The following PCGF5 variants were observed in gnomAD, a reference collection of about 807,000 sequenced individuals.
The protein encoded by PCGF5 is polycomb group RING finger protein 5.
Under a neutral mutation model 44.3 loss-of-function variants are expected in PCGF5, and 9 were observed. That is an observed-to-expected ratio of 0.20 (90% confidence interval 0.12 to 0.35). The LOEUF (loss-of-function observed/expected upper bound fraction) is 0.35, where lower values mean the gene tolerates loss of function less well. Among genes scored for constraint, PCGF5 ranks in the 10% least tolerant of loss-of-function variants. The pLI is 1.00. For synonymous variants in PCGF5, 95 were observed against 102.5 expected, an observed-to-expected ratio of 0.93 and a Z score of 0.44; for missense variants, 146 against 305.3, an observed-to-expected ratio of 0.48 and a Z score of 3.89.
Position 91,281,320 on chromosome 10 carries a change from C to T in PCGF5, c.*3004C>T, listed in dbSNP as rs541991056. 7 of 152,546 alleles carry T rather than the reference C, an allele frequency of 4.6e-5. No homozygotes were observed. The highest frequency in any genetic ancestry group is 1.9e-4 in the East Asian group (1 of 5,190). 9.4% of individuals were successfully genotyped at this position (152,546 alleles called of 1,614,324 possible). A position where few individuals can be genotyped will look rare whatever the true frequency, so the allele number is the denominator to read the frequency against. ...ATAGTAATGTGCCACATTTTATAAA[C>T]GTAATGACTTTGCTCAACTACATTA... On this transcript the variant is annotated 3_prime_UTR_variant, in exon 10 of 10. Transcript: ENST00000336126.
At chr10:91,266,762 G>T (rs1846055990) in intron 8 of PCGF5, among the ~76,000 whole-genome samples, 1 of 152,132 alleles carries the variant, frequency 6.6e-6, no homozygotes. Flanking sequence ...TGTCAGCACT[G>T]ATTGCTGCCT....
chr10:91,202,892 T>G (rs1185304864), intron 1 of PCGF5, among the ~76,000 whole-genome samples: 1 of 152,178 alleles, frequency 6.6e-6, no homozygotes, highest in African/African-American at 2.4e-5. Context: ...TGATTAATGT[T>G]CAGATGAGGG....
At chr10:91,176,881 C>T (rs911499750) in intron 1 of PCGF5, among the ~76,000 whole-genome samples, 1 of 149,790 alleles carries the variant, frequency 6.7e-6, no homozygotes, top group Non-Finnish European at 1.5e-5. Context: ...GAAGTTTGAT[C>T]GTCTGAAGCC....
At chr10:91,199,522 A>T (rs1771069910) in intron 1 of PCGF5, among the ~76,000 whole-genome samples, 1 of 152,218 alleles carries the variant, frequency 6.6e-6, no homozygotes, top group South Asian at 2.1e-4. Flanking sequence ...GGCCAACAAC[A>T]TCCCCATCAA....
chr10:91,216,596 A>G (rs1844544917), upstream of PCGF5, among the ~76,000 whole-genome samples: 1 of 152,232 alleles, frequency 6.6e-6, no homozygotes, highest in Non-Finnish European at 1.5e-5. Context: ...TTGGCAGAAA[A>G]GAGCTGTAGG....
intron 8 of PCGF5, among the ~76,000 whole-genome samples, chr10:91,269,924 C>G (rs1001417357): frequency 1.3e-5 from 2 of 152,030 alleles, no homozygotes; most frequent in Non-Finnish European, 1.5e-5. Context: ...TATTTTCTTC[C>G]AATTGTGTCC....
intron 2 of PCGF5, among the ~76,000 whole-genome samples, chr10:91,234,583 T>C (rs371543858): frequency 6.6e-6 from 1 of 152,244 alleles, no homozygotes; most frequent in East Asian, 1.9e-4. Flanking sequence ...TATCTGTTAT[T>C]TATGATTAGT....
chr10:91,161,613 T>C (rs976950453), upstream of PCGF5, among the ~76,000 whole-genome samples: 3 of 152,180 alleles, frequency 2.0e-5, no homozygotes, highest in African/African-American at 7.2e-5. Flanking sequence ...ATTTTATTCC[T>C]CAAGGGTTAC....
At chr10:91,167,505 G>A (rs528383155) in intron 1 of PCGF5, among the ~76,000 whole-genome samples, 1 of 152,204 alleles carries the variant, frequency 6.6e-6, no homozygotes, top group African/African-American at 2.4e-5. Flanking sequence ...ACTTCAATCG[G>A]CAAAAATGTA....
At chr10:91,226,289 T>TAAAAAAAGAAA (rs1844835378) in intron 2 of PCGF5, among the ~76,000 whole-genome samples, 1 of 75,142 alleles carries the variant, frequency 1.3e-5, no homozygotes, top group Non-Finnish European at 2.4e-5. Context: ...TTAAGAAATG[T>TAAAAAAAGAAA]AAAAAAAAAA....
intron 7 of PCGF5, among the ~76,000 whole-genome samples, chr10:91,262,330 G>A (rs1032590007): frequency 6.6e-6 from 1 of 152,068 alleles, no homozygotes; most frequent in Non-Finnish European, 1.5e-5. Flanking sequence ...GGAGGACAAG[G>A]CAAGAGTCAC....
chr10:91,278,460 T>C lies in PCGF5; in HGVS notation c.*144T>C. ...AAGGCCATTGTCTATCTCTAAATTGTCAGTTGCATTCATGTTGTTTCTATT... is the reference window on the plus strand; with the variant it reads ...AAGGCCATTGTCTATCTCTAAATTGCCAGTTGCATTCATGTTGTTTCTATT... On this transcript the variant is annotated 3_prime_UTR_variant, in exon 10 of 10. Coordinates refer to ENST00000336126, the MANE Select transcript of PCGF5 (RefSeq NM_032373.5). 1 of 708,182 alleles carries C rather than the reference T, an allele frequency of 1.4e-6. No individual in the cohort carries two copies. The highest frequency in any genetic ancestry group is 2.5e-6 in the Non-Finnish European group (1 of 404,124). 43.9% of individuals were successfully genotyped at this position (708,182 alleles called of 1,614,324 possible).
In PCGF5 at chr10:91,281,852, C is replaced by A. The variant is rs1293595608; in HGVS notation, c.*3536C>A. 3 of 152,138 alleles carry A rather than the reference C, an allele frequency of 2.0e-5. No homozygotes were observed. Among genetic ancestry groups the A allele is most frequent in the Admixed American group, 6.5e-5 (1 of 15,284 alleles). 9.4% of individuals were successfully genotyped at this position (152,138 alleles called of 1,614,324 possible). Reference sequence around the variant, plus strand: ...TGTTTTTCAGCATCATCTAACAGATCTTAGTAAATCTAAATCCTCAAAGAT... The same window carrying A: ...TGTTTTTCAGCATCATCTAACAGATATTAGTAAATCTAAATCCTCAAAGAT... On this transcript the variant is annotated 3_prime_UTR_variant, in exon 10 of 10. Transcript: ENST00000336126.
At chr10:91,188,276 A>G (rs1843963404) in intron 1 of PCGF5, among the ~76,000 whole-genome samples, 1 of 152,218 alleles carries the variant, frequency 6.6e-6, no homozygotes, top group Non-Finnish European at 1.5e-5. Context: ...CGGGAAGCGC[A>G]AGGGGTCAGG....
chr10:91,275,446 T>A (rs146829759), intron 9 of PCGF5, among the ~76,000 whole-genome samples: 1 of 70,518 alleles, frequency 1.4e-5, no homozygotes, highest in Non-Finnish European at 3.0e-5. Context: ...CTACATTTTA[T>A]TTTTTTTTTT....
chr10:91,241,223 C>T (rs1019769554), intron 3 of PCGF5, among the ~76,000 whole-genome samples: 15 of 151,770 alleles, frequency 9.9e-5, no homozygotes, highest in Admixed American at 3.3e-4. Flanking sequence ...TACAGGCATG[C>T]GCCACCACAT....
intron 6 of PCGF5, among the ~76,000 whole-genome samples, chr10:91,256,996 T>A (rs1245911880): frequency 1.3e-5 from 2 of 152,088 alleles, no homozygotes; most frequent in Non-Finnish European, 2.9e-5. Context: ...GTAAAACTCT[T>A]GTGTATCAAA....
At chr10:91,225,280 CATATATAACATATATATAACATAT>C (rs1046805254) in intron 2 of PCGF5, among the ~76,000 whole-genome samples, 11 of 145,150 alleles carry the variant, frequency 7.6e-5, no homozygotes, top group African/African-American at 2.5e-4. Context: ...CGATATATAT[CATATATAACATATATATAACATAT>C]ATATATAACA....
chr10:91,184,806 T>G (rs1479581195), intron 1 of PCGF5, among the ~76,000 whole-genome samples: 1 of 152,190 alleles, frequency 6.6e-6, no homozygotes, highest in Non-Finnish European at 1.5e-5. Flanking sequence ...CAGTCCCTAG[T>G]GGCCTTGGAT....
Sources: gnomAD v4.1 joint callset for allele counts (sites outside exome capture counted in the v4.1 genomes callset) on GRCh38, gnomAD v4.1.1 for gene constraint, MANE v1.5 for transcripts, NCBI Gene and HGNC (gene_info 2026-07-23, HGNC 2026-07-21) for gene names.